Variants in C2CD2 observed in about 807,000 individuals in gnomAD.
C2CD2 encodes C2 calcium dependent domain containing 2, also known as C2 domain-containing protein 2.
Under a neutral mutation model 74.3 loss-of-function variants are expected in C2CD2, and 43 were observed. The ratio of observed to expected loss-of-function variants is 0.58; its 90% CI spans 0.45 to 0.75. The LOEUF (loss-of-function observed/expected upper bound fraction) is 0.75, where lower values mean the gene tolerates loss of function less well. Among genes scored for constraint, C2CD2 ranks in the 30% least tolerant of loss-of-function variants. C2CD2 has a pLI of 0.00. For missense variants in C2CD2, 801 were observed against 916.3 expected (o/e 0.87, Z 1.63); for synonymous variants, 422 against 390.7 (o/e 1.08, Z -0.94).
chr21:41,917,871 A>G (rs188107490), intron 5 of C2CD2, among the ~76,000 whole-genome samples: 1 of 152,290 alleles, frequency 6.6e-6, no homozygotes, highest in Non-Finnish European at 1.5e-5. Flanking sequence ...AGGGCTCTGA[A>G]TGGACAGGGA....
intron 7 of C2CD2, among the ~76,000 whole-genome samples, chr21:41,910,264 T>C (rs982868569): frequency 1.3e-5 from 2 of 152,244 alleles, no homozygotes; most frequent in African/African-American, 4.8e-5. Flanking sequence ...AACTCTTTAC[T>C]AAACAACCCT....
At position 41,892,970 on chromosome 21, in the gene C2CD2, G is replaced by T. The variant is rs780331848; in HGVS notation, c.1871-3626C>A. ...TGCGCCCAGGTTAAGAGGGAAATGG[G>T]TGTGGAGACAGGCAAGGCACGGCTG... On this transcript the variant is annotated intron_variant, in intron 13 of 13. Coordinates refer to ENST00000380486, the MANE Select transcript of C2CD2 (RefSeq NM_015500.2). The surrounding 1 kb of genome is among the most constrained non-coding windows in gnomAD (Gnocchi z 4.6). 5.9e-5 allele frequency among the ~76,000 whole-genome samples: 9 copies of T among 152,226 alleles called. No individual in the cohort carries two copies. The highest frequency in any genetic ancestry group is 1.2e-4 in the Non-Finnish European group (8 of 68,034).
At position 41,939,268 on chromosome 21, in the gene C2CD2, G is replaced by T. The variant is rs964585219; in HGVS notation, c.378+2879C>A. 6.6e-6 allele frequency among the ~76,000 whole-genome samples: 1 copy of T among 152,130 alleles called. No homozygotes were observed. Among genetic ancestry groups the T allele is most frequent in the East Asian group, 1.9e-4 (1 of 5,196 alleles). On this transcript the variant is annotated intron_variant, in intron 2 of 13. Transcript: ENST00000380486. The surrounding 1 kb of genome is among the most constrained non-coding windows in gnomAD (Gnocchi z 5.5). Reference sequence around the variant, plus strand: ...TTTCTGAAATTGTATTTATTAAAAGGATTACAATTGAATTACCTACCGTGT... The same window carrying T: ...TTTCTGAAATTGTATTTATTAAAAGTATTACAATTGAATTACCTACCGTGT...
chr21:41,890,085 T>C (rs113844236), intron 13 of C2CD2, among the ~76,000 whole-genome samples: 4,181 of 152,274 alleles, frequency 0.027, 81 homozygotes, highest in South Asian at 0.081. Flanking sequence ...CCAGAAAGGA[T>C]GGTCACACTC....
rs1178684400 is a variant in C2CD2, at chr21:41,887,431, ATCTC to A, written c.*1689_*1692del. On this transcript the variant is annotated 3_prime_UTR_variant, in exon 14 of 14. Transcript: ENST00000380486. ...GTGAAATTCCTAATGTCGTTTTCTA[ATCTC>A]TCTCTCTAAAAAAGAAGAAAAAAAA... The A allele has an allele frequency of 3.3e-5, 5 of 151,906 alleles. No homozygotes were observed. The highest frequency in any genetic ancestry group is 4.4e-5 in the Non-Finnish European group (3 of 67,980). The allele number at this position is 151,906 out of a possible 1,614,324, so 9.4% of individuals were successfully genotyped here.
At chr21:41,949,234 A>C (rs924864812) in intron 1 of C2CD2, among the ~76,000 whole-genome samples, 4 of 152,288 alleles carry the variant, frequency 2.6e-5, no homozygotes, top group Admixed American at 6.5e-5. Flanking sequence ...GAGACTCCCA[A>C]GGGGATGTTG....
In C2CD2 at chr21:41,931,612, G is replaced by A. The variant is rs540590660; in HGVS notation, c.379-9527C>T. ...TAATTTTTTGTATGTTAGTAGAGAC[G>A]GGGTTTCACCATGTTGGCCAGGATG... On this transcript the variant is annotated intron_variant, in intron 2 of 13. Transcript: ENST00000380486. Among the ~76,000 whole-genome samples the A allele has an allele frequency of 2.7e-5, 4 of 149,802 alleles. 1 individual carries two copies. The highest frequency in any genetic ancestry group is 2.1e-4 in the South Asian group (1 of 4,672).
At chr21:41,900,797 AT>A (rs2064885960) in intron 12 of C2CD2, among the ~76,000 whole-genome samples, 1 of 152,136 alleles carries the variant, frequency 6.6e-6, no homozygotes, top group African/African-American at 2.4e-5. Context: ...TCATTTGGAA[AT>A]GTCAAAAAAA....
At chr21:41,928,544 C>CAAAAAAAAAAAAAAA (rs59346777) in intron 2 of C2CD2, among the ~76,000 whole-genome samples, 30 of 72,260 alleles carry the variant, frequency 4.2e-4, no homozygotes, top group Admixed American at 5.3e-4. Flanking sequence ...TAAAGCAAAG[C>CAAAAAAAAAAAAAAA]AAAAAAAAAA....
Position 41,953,433 on chromosome 21 carries a change from G to A in C2CD2, c.216C>T (p.Ser72=), listed in dbSNP as rs909789211. Residue 72 remains serine, a synonymous_variant, in exon 1 of 14, where the codon AGC becomes AGT. Coordinates refer to ENST00000380486, the MANE Select transcript of C2CD2 (RefSeq NM_015500.2). The part of the protein sequence containing the change: ...ALLSWILTLG[S]WRSQWQAAWV... ...AGGCCGCCTGCCACTGGCTCCTCCAGCTGCCCAGCGTCAGGATCCAGGAGA... is the reference window on the plus strand; with the variant it reads ...AGGCCGCCTGCCACTGGCTCCTCCAACTGCCCAGCGTCAGGATCCAGGAGA... The A allele has an allele frequency of 6.9e-7, 1 of 1,456,468 alleles. No individual in the cohort carries two copies. The highest frequency in any genetic ancestry group is 1.4e-5 in the South Asian group (1 of 70,226). The allele number at this position is 1,456,468 out of a possible 1,614,324, so 90.2% of individuals were successfully genotyped here. A position where few individuals can be genotyped will look rare whatever the true frequency, so the allele number is the denominator to read the frequency against.
At chr21:41,907,276 T>G (rs2064974546) in intron 9 of C2CD2, 110 bp from the exon 10 acceptor site, 1 of 863,768 alleles carries the variant, frequency 1.2e-6, no homozygotes, top group African/African-American at 1.7e-5. Context: ...ATTCCTTCCC[T>G]TAAGGTCACT....
chr21:41,944,365 A>AC (rs1305275322), intron 1 of C2CD2, among the ~76,000 whole-genome samples: 2 of 150,480 alleles, frequency 1.3e-5, no homozygotes, highest in East Asian at 1.9e-4. Context: ...ACACACACAC[A>AC]AAAAAAATTA....
At chr21:41,898,530 C>T (rs915834) in intron 13 of C2CD2, among the ~76,000 whole-genome samples, 1 of 152,226 alleles carries the variant, frequency 6.6e-6, no homozygotes, top group South Asian at 2.1e-4. Flanking sequence ...ATGATCACCT[C>T]CTCAGCACCC....
At position 41,944,477 on chromosome 21, in the gene C2CD2, A is replaced by G. The variant is rs2065381538; in HGVS notation, c.280-2232T>C. Reference sequence around the variant, plus strand: ...GCAGACCTTGCAGTGAGCCGAGATCATGCCACTGCACTTGAGCCTGGGCGA... The same window carrying G: ...GCAGACCTTGCAGTGAGCCGAGATCGTGCCACTGCACTTGAGCCTGGGCGA... On this transcript the variant is annotated intron_variant, in intron 1 of 13. Transcript: ENST00000380486. Among the ~76,000 whole-genome samples the G allele has an allele frequency of 3.5e-5, 5 of 141,278 alleles. No homozygotes were observed. The South Asian group carries it at 9.0e-4, about 25-fold the overall frequency. The allele number at this position is 141,278 out of a possible 152,430, so 92.7% of individuals were successfully genotyped here.
intron 6 of C2CD2, 43 bp from the exon 7 acceptor site, chr21:41,912,483 T>G (rs746204472): frequency 1.1e-6 from 1 of 885,864 alleles, no homozygotes; most frequent in Non-Finnish European, 1.5e-6. Context: ...TTTATTTTTA[T>G]TATTTATTTA....
Position 41,922,068 on chromosome 21 carries a change from C to T in C2CD2, c.396G>A (p.Val132=). ...CCAAGAACTGAATAGCCTGGCCCAC[C>T]ACGTGACAGACCACCACCTGGAGGA... ...SAEEKVVVCH[V]VGQAIQFLVS... Residue 132 remains valine, a synonymous_variant, in exon 3 of 14, where the codon GTG becomes GTA. Transcript: ENST00000380486. 1 of 1,613,148 alleles carries T rather than the reference C, an allele frequency of 6.2e-7. No homozygotes were observed.
intron 5 of C2CD2, among the ~76,000 whole-genome samples, chr21:41,915,312 C>T (rs1422999153): frequency 2.6e-5 from 4 of 152,194 alleles, no homozygotes; most frequent in African/African-American, 4.8e-5. Context: ...CTCCAATAGA[C>T]ACCACATCAC....
chr21:41,942,595 C>T (rs1160959998), intron 1 of C2CD2, among the ~76,000 whole-genome samples: 2 of 152,214 alleles, frequency 1.3e-5, no homozygotes, highest in Non-Finnish European at 2.9e-5. Flanking sequence ...AGGGCTGCTT[C>T]GTGCAAATCA....
chr21:41,939,619 T>C lies in C2CD2; in HGVS notation c.378+2528A>G, dbSNP rs1267978755. On this transcript the variant is annotated intron_variant, in intron 2 of 13. Transcript: ENST00000380486. This position sits in a 1 kb window ranked among gnomAD's most constrained non-coding sequence, Gnocchi z 5.5. ...GCACCTGCCGCAGGGCCCTCCCAGC[T>C]CTCCAGGCTGTGCCAGTCTCAGCAT... is the stretch of plus-strand genomic sequence containing the variant. 6.6e-6 allele frequency among the ~76,000 whole-genome samples: 1 copy of C among 152,084 alleles called. No individual in the cohort carries two copies. The highest frequency in any genetic ancestry group is 1.5e-5 in the Non-Finnish European group (1 of 68,014).
Sources: gnomAD v4.1 joint callset for allele counts (sites outside exome capture counted in the v4.1 genomes callset) on GRCh38, gnomAD v4.1.1 for gene constraint, Gnocchi (gnomAD v3.1) non-coding constraint, MANE v1.5 for transcripts, NCBI Gene and HGNC (gene_info 2026-07-23, HGNC 2026-07-21) for gene names.